The following TXK variants were observed in gnomAD, a reference collection of about 807,000 sequenced individuals.
TXK encodes the protein tyrosine-protein kinase TXK.
A neutral mutation model predicts 81.0 loss-of-function variants in TXK; 60 were observed. The observed-to-expected ratio is 0.74, with a 90% CI of 0.60 to 0.92. The LOEUF is 0.92. TXK is among the 40% of genes least tolerant of loss of function. TXK has a pLI of 0.00. For missense variants in TXK, 581 were observed against 638.3 expected (o/e 0.91, Z 0.97); for synonymous variants, 203 against 210.7 (o/e 0.96, Z 0.32).
At chr4:48,101,976 AT>A (rs1310243296) in intron 6 of TXK, among the ~76,000 whole-genome samples, 1 of 151,906 alleles carries the variant, frequency 6.6e-6, no homozygotes, top group South Asian at 2.1e-4. Flanking sequence ...TTTATTTTTT[AT>A]TTTTTTAATT....
chr4:48,094,783 G>A (rs1205971270), intron 7 of TXK, among the ~76,000 whole-genome samples: 1 of 152,162 alleles, frequency 6.6e-6, no homozygotes, highest in African/African-American at 2.4e-5. Context: ...GGGCGCACAA[G>A]TTCCCACAGC....
At chr4:48,121,868 T>C (rs1266052680) in intron 1 of TXK, among the ~76,000 whole-genome samples, 2 of 152,212 alleles carry the variant, frequency 1.3e-5, no homozygotes, top group African/African-American at 2.4e-5. Context: ...TTATGGTTTA[T>C]AACAATGTGA....
Position 48,095,226 on chromosome 4 carries a change from C to CA in TXK, c.502-5dup, listed in dbSNP as rs775908620. On this transcript the variant is annotated splice_region_variant and splice_polypyrimidine_tract_variant and intron_variant, in intron 6 of 14. Coordinates refer to ENST00000264316, the MANE Select transcript of TXK (RefSeq NM_003328.3). ...CAATAAATGCACCTTCTTTAGACTG[C>CA]AAAAAAAATCATTTATTGAATAAGT... 2.7e-5 allele frequency: 43 copies of CA among 1,597,728 alleles called. No homozygotes were observed. Among genetic ancestry groups the CA allele is most frequent in the Admixed American group, 5.3e-5 (3 of 57,116 alleles).
rs767541921 is a variant in TXK, at chr4:48,112,351, C to T, written c.336G>A (p.Leu112=). The T allele has an allele frequency of 1.2e-6, 2 of 1,614,170 alleles. No homozygotes were observed. The highest frequency in any genetic ancestry group is 3.3e-5 in the Admixed American group (2 of 60,020). Residue 112 remains leucine (L), a synonymous_variant, in exon 4 of 15, where the codon CTG becomes CTA. Coordinates refer to ENST00000264316, the MANE Select transcript of TXK (RefSeq NM_003328.3). The part of the protein sequence containing the change: ...ALRRAEEYLI[L]EKYNPHWWKA... ...TCCACCAGTGAGGATTGTATTTCTC[C>T]AGTATCAGGTATTCTTCTGCTCTCC...
At chr4:48,108,934 C>T (rs963661050) in intron 5 of TXK, among the ~76,000 whole-genome samples, 1 of 152,154 alleles carries the variant, frequency 6.6e-6, no homozygotes, top group Non-Finnish European at 1.5e-5. Flanking sequence ...CATTCACTAA[C>T]CACCAGGCAC....
At chr4:48,106,232 T>C (rs1718454205) in intron 5 of TXK, 2 of 152,190 alleles carry the variant, frequency 1.3e-5, no homozygotes, top group African/African-American at 2.4e-5. Context: ...TAATCTAATA[T>C]TGCCAGATAG....
At chr4:48,082,021 C>T (rs964912726) in intron 10 of TXK, among the ~76,000 whole-genome samples, 11 of 152,230 alleles carry the variant, frequency 7.2e-5, no homozygotes, top group Admixed American at 2.0e-4. Context: ...ATCTCTTGCC[C>T]TCTGACATAT....
At chr4:48,102,464 T>C (rs1718234882) in intron 6 of TXK, among the ~76,000 whole-genome samples, 1 of 152,096 alleles carries the variant, frequency 6.6e-6, no homozygotes, top group East Asian at 1.9e-4. Flanking sequence ...CCCAATGAAT[T>C]GAAAAAAAAC....
chr4:48,087,437 TA>T (rs1389335412), intron 9 of TXK, among the ~76,000 whole-genome samples: 3 of 151,558 alleles, frequency 2.0e-5, no homozygotes, highest in East Asian at 1.9e-4. Context: ...TTATTATTAT[TA>T]TTATTTTTTT....
intron 6 of TXK, among the ~76,000 whole-genome samples, chr4:48,103,428 C>T (rs1718280163): frequency 6.6e-6 from 1 of 152,232 alleles, no homozygotes; most frequent in African/African-American, 2.4e-5. Context: ...CCTGTCCAAC[C>T]TCCATCCGTG....
intron 1 of TXK, among the ~76,000 whole-genome samples, chr4:48,123,754 C>G (rs1052355997): frequency 6.6e-6 from 1 of 152,148 alleles, no homozygotes; most frequent in Non-Finnish European, 1.5e-5. Flanking sequence ...CTGTCTCCTT[C>G]GATTCACCCC....
At chr4:48,079,099 C>A (rs114053296) in intron 11 of TXK, among the ~76,000 whole-genome samples, 5,244 of 152,316 alleles carry the variant, frequency 0.034, 152 homozygotes, top group Admixed American at 0.053. Flanking sequence ...ACCTAACTGA[C>A]TCCATCTTGC....
rs1325236304 is a variant in TXK, at chr4:48,128,219, AT to A, written c.16+5935del. Reference sequence around the variant, plus strand: ...ATTCCTACTGAATTTGGTCATCATAATAACTGGCACATGGCTAGTGATTTAT... The same window carrying A: ...ATTCCTACTGAATTTGGTCATCATAAAACTGGCACATGGCTAGTGATTTAT... On this transcript the variant is annotated intron_variant, in intron 1 of 14. Transcript: ENST00000264316. Among the ~76,000 whole-genome samples, 3 of 152,224 alleles carry A rather than the reference AT, an allele frequency of 2.0e-5. No homozygotes were observed. In the East Asian group the frequency reaches 5.8e-4, roughly 29 times the overall value.
chr4:48,101,777 A>G (rs542765552), intron 6 of TXK, among the ~76,000 whole-genome samples: 1 of 151,752 alleles, frequency 6.6e-6, no homozygotes, highest in South Asian at 2.1e-4. Context: ...TTCAAGAGGA[A>G]GAAAAATTTC....
intron 1 of TXK, among the ~76,000 whole-genome samples, chr4:48,119,887 T>C (rs1718900923): frequency 6.6e-6 from 1 of 152,136 alleles, no homozygotes; most frequent in Non-Finnish European, 1.5e-5. Flanking sequence ...TCTGTATCTA[T>C]TCAGGCCACA....
At chr4:48,068,605 T>C (rs1716700401) in intron 14 of TXK, among the ~76,000 whole-genome samples, 1 of 152,232 alleles carries the variant, frequency 6.6e-6, no homozygotes, top group Admixed American at 6.5e-5. Context: ...ATATTCACCA[T>C]AAGTGACCCC....
intron 8 of TXK, among the ~76,000 whole-genome samples, chr4:48,090,742 G>A (rs1380700838): frequency 6.6e-6 from 1 of 152,054 alleles, no homozygotes; most frequent in African/African-American, 2.4e-5. Context: ...AAATAACAAG[G>A]GCATGCACAC....
intron 6 of TXK, among the ~76,000 whole-genome samples, chr4:48,103,793 C>T (rs1718293850): frequency 6.6e-6 from 1 of 152,198 alleles, no homozygotes; most frequent in South Asian, 2.1e-4. Context: ...AACAAAGAAA[C>T]TGCAGCAGCA....
intron 6 of TXK, among the ~76,000 whole-genome samples, chr4:48,096,582 A>C (rs570374219): frequency 3.3e-5 from 5 of 152,142 alleles, no homozygotes; most frequent in African/African-American, 1.2e-4. Context: ...GTGCAATGGC[A>C]TGATCTCGGC....
Sources: allele counts gnomAD v4.1 joint callset (sites outside exome capture counted in the v4.1 genomes callset), GRCh38; gene constraint gnomAD v4.1.1; transcripts MANE v1.5; gene names NCBI Gene and HGNC (gene_info 2026-07-23, HGNC 2026-07-21).